Variants in CACNA1C observed in about 807,000 individuals in gnomAD.
The protein encoded by CACNA1C is calcium voltage-gated channel subunit alpha1 C.
In CACNA1C, 30 loss-of-function variants were observed where a neutral mutation model predicts 229.0. The ratio of observed to expected loss-of-function variants is 0.13; its 90% CI spans 0.10 to 0.18. The LOEUF (loss-of-function observed/expected upper bound fraction) is 0.18, where lower values mean the gene tolerates loss of function less well. Ranked by LOEUF, CACNA1C falls within the 10% of genes least tolerant of loss-of-function variation. CACNA1C has a pLI of 1.00. For missense variants in CACNA1C, 1,658 were observed against 2,845.0 expected (o/e 0.58, Z 9.49); for synonymous variants, 1,114 against 1,132.5 (o/e 0.98, Z 0.33).
Position 2,275,886 on chromosome 12 carries a change from C to T in CACNA1C, c.477+155456C>T, listed in dbSNP as rs994628475. On this transcript the variant is annotated intron_variant, in intron 3 of 46. Transcript: ENST00000399655. This position sits in a 1 kb window ranked among gnomAD's most constrained non-coding sequence, Gnocchi z 4.1. The stretch of plus-strand genomic sequence containing the variant: ...CAAAAAACATGGGTTTTGAGCCAGA[C>T]GGAAAGTCATCAAGCCCAGTTACAG... Among the ~76,000 whole-genome samples, 6 of 152,012 alleles carry T rather than the reference C, an allele frequency of 3.9e-5. No individual in the cohort carries two copies. Among genetic ancestry groups the T allele is most frequent in the Non-Finnish European group, 7.4e-5 (5 of 68,010 alleles).
rs546837648 is a variant in CACNA1C, at chr12:2,631,864, A to G, written c.3829-2433A>G. 3.9e-5 allele frequency among the ~76,000 whole-genome samples: 6 copies of G among 152,340 alleles called. No homozygotes were observed. The East Asian group carries it at 9.6e-4, about 24-fold the overall frequency. ...TGTGACCTGACCTCCCACGCTAAGA[A>G]TAACAGCCCCAGGACAGCATGTCTT... On this transcript the variant is annotated intron_variant, in intron 29 of 46. Coordinates refer to ENST00000399655, the MANE Select transcript of CACNA1C (RefSeq NM_000719.7).
chr12:2,440,852 G>A (rs375817768), intron 3 of CACNA1C, among the ~76,000 whole-genome samples: 4 of 152,150 alleles, frequency 2.6e-5, no homozygotes, highest in East Asian at 1.9e-4. Context: ...TCATCGATGC[G>A]CTGAGAGGGC....
At chr12:2,076,643 TG>T (rs1385628127) in intron 1 of CACNA1C, among the ~76,000 whole-genome samples, 1 of 152,246 alleles carries the variant, frequency 6.6e-6, no homozygotes, top group African/African-American at 2.4e-5. Flanking sequence ...TCTAGTACCC[TG>T]TATTTTTCAG....
intron 3 of CACNA1C, among the ~76,000 whole-genome samples, chr12:2,371,010 T>A (rs1053260773): frequency 6.6e-6 from 1 of 152,200 alleles, no homozygotes; most frequent in African/African-American, 2.4e-5. Context: ...ATCTGGAAAC[T>A]GTTACATAAG....
chr12:2,061,605 G>A (rs143971677), intron 1 of CACNA1C, among the ~76,000 whole-genome samples: 391 of 152,232 alleles, frequency 2.6e-3, no homozygotes, highest in African/African-American at 9.1e-3. Context: ...GGTATCCGAC[G>A]CCTGGCAGCT....
chr12:2,400,756 C>A (rs2154550929), intron 3 of CACNA1C, among the ~76,000 whole-genome samples: 1 of 152,300 alleles, frequency 6.6e-6, no homozygotes, highest in East Asian at 1.9e-4. Context: ...CTGCTCACCA[C>A]TGAGTGCACG....
At chr12:2,559,479 G>C (rs1450836388) in intron 11 of CACNA1C, among the ~76,000 whole-genome samples, 1 of 152,238 alleles carries the variant, frequency 6.6e-6, no homozygotes, top group Admixed American at 6.5e-5. Context: ...CTGAGGCTTT[G>C]CTATGTGCTG....
At chr12:2,435,833 G>C (rs1046336328) in intron 3 of CACNA1C, among the ~76,000 whole-genome samples, 1 of 152,188 alleles carries the variant, frequency 6.6e-6, no homozygotes, top group African/African-American at 2.4e-5. Flanking sequence ...GCAGGAGCGA[G>C]GTCTTGCACG....
At chr12:2,106,570 CCT>C (rs1329043608) in intron 1 of CACNA1C, among the ~76,000 whole-genome samples, 3 of 120,738 alleles carry the variant, frequency 2.5e-5, no homozygotes, top group East Asian at 2.7e-4. Context: ...AGCTGGGCAT[CCT>C]GAAGCCACTG....
rs7977166 is a variant in CACNA1C, at chr12:2,100,583, A to G, written c.50-14641A>G. Among the ~76,000 whole-genome samples, 664 of 107,948 alleles carry G rather than the reference A, an allele frequency of 6.2e-3. 6 individuals carry two copies. The highest frequency in any genetic ancestry group is 0.028 in the African/African-American group (628 of 22,768). 70.8% of individuals were successfully genotyped at this position (107,948 alleles called of 152,430 possible). A position where few individuals can be genotyped will look rare whatever the true frequency, so the allele number is the denominator to read the frequency against. On this transcript the variant is annotated intron_variant, in intron 1 of 46. Transcript: ENST00000399655. Reference sequence around the variant, plus strand: ...TGGGCAACATAGCCCTGTTTCTACCAAAAAAAAAAAAAAAAAAAAAAAAAT... The same window carrying G: ...TGGGCAACATAGCCCTGTTTCTACCGAAAAAAAAAAAAAAAAAAAAAAAAT...
At chr12:2,041,116 T>C (rs1366584566) in intron 1 of CACNA1C, among the ~76,000 whole-genome samples, 1 of 152,110 alleles carries the variant, frequency 6.6e-6, no homozygotes, top group African/African-American at 2.4e-5. Flanking sequence ...AGGGTAGAAA[T>C]AGGCAGTGAA....
chr12:1,989,069 A>G (rs1416061813), intron 1 of CACNA1C, among the ~76,000 whole-genome samples: 1 of 152,188 alleles, frequency 6.6e-6, no homozygotes, highest in Middle Eastern at 3.2e-3. Flanking sequence ...TCCTATATTC[A>G]ACTTGTTGGC....
rs1469221681 is a variant in CACNA1C, at chr12:2,694,632, G to A, written c.*3433G>A. The A allele has an allele frequency of 6.6e-6, 1 of 152,206 alleles. No individual in the cohort carries two copies. Among genetic ancestry groups the A allele is most frequent in the Non-Finnish European group, 1.5e-5 (1 of 68,050 alleles). The allele number at this position is 152,206 out of a possible 1,614,324, so 9.4% of individuals were successfully genotyped here. On this transcript the variant is annotated 3_prime_UTR_variant, in exon 47 of 47. Transcript: ENST00000399655. ...TTCTATTTCCCAGTTCCAAATTCCAGGTGCTTGTCTGGAGTGAAGCTACCC... is the reference window on the plus strand; with the variant it reads ...TTCTATTTCCCAGTTCCAAATTCCAAGTGCTTGTCTGGAGTGAAGCTACCC...
chr12:2,139,793 C>G lies in CACNA1C; in HGVS notation c.477+19363C>G, dbSNP rs2093958704. 1.3e-5 allele frequency among the ~76,000 whole-genome samples: 2 copies of G among 151,302 alleles called. 1 individual carries two copies. The highest frequency in any genetic ancestry group is 3.0e-5 in the Non-Finnish European group (2 of 67,620). ...TGCCCGCTGGCCTCAGACATGCGCC[C>G]TAAAGATGGGAGCATGCAGTGTGAA... On this transcript the variant is annotated intron_variant, in intron 3 of 46. Coordinates refer to ENST00000399655, the MANE Select transcript of CACNA1C (RefSeq NM_000719.7).
rs1445959535 is a variant in CACNA1C, at chr12:2,504,201, C to T, written c.1114-641C>T. 6.6e-6 allele frequency among the ~76,000 whole-genome samples: 1 copy of T among 152,214 alleles called. No homozygotes were observed. Among genetic ancestry groups the T allele is most frequent in the African/African-American group, 2.4e-5 (1 of 41,444 alleles). On this transcript the variant is annotated intron_variant, in intron 7 of 46. Transcript: ENST00000399655. The surrounding 1 kb of genome is among the most constrained non-coding windows in gnomAD (Gnocchi z 6.8). ...AATGTTTCTTTTTCAGAAAATAAAA[C>T]CACAGAGAGACAGAGTGATTCCTCT...
chr12:2,328,709 C>T (rs7316184), intron 3 of CACNA1C, among the ~76,000 whole-genome samples: 18,079 of 152,206 alleles, frequency 0.12, 2,870 homozygotes, highest in African/African-American at 0.36. Flanking sequence ...GCCATTTATT[C>T]GCCATCTTGG....
chr12:2,476,672 A>G (rs1202231509), intron 5 of CACNA1C, among the ~76,000 whole-genome samples: 1 of 152,204 alleles, frequency 6.6e-6, no homozygotes, highest in Non-Finnish European at 1.5e-5. Context: ...AATTAATTCA[A>G]CTTGAAGGCT....
At chr12:2,388,358 G>A (rs1257192671) in intron 3 of CACNA1C, among the ~76,000 whole-genome samples, 1 of 152,228 alleles carries the variant, frequency 6.6e-6, no homozygotes, top group Non-Finnish European at 1.5e-5. Flanking sequence ...TGATGGATTA[G>A]TTGATCACCT....
intron 9 of CACNA1C, among the ~76,000 whole-genome samples, chr12:2,540,796 G>A (rs980938432): frequency 5.3e-5 from 8 of 152,226 alleles, no homozygotes; most frequent in Non-Finnish European, 1.2e-4. Flanking sequence ...TGTGGTTGGA[G>A]TTTCTGCAGG....
Sources: gnomAD v4.1 joint callset for allele counts (sites outside exome capture counted in the v4.1 genomes callset) on GRCh38, gnomAD v4.1.1 for gene constraint, Gnocchi (gnomAD v3.1) non-coding constraint, MANE v1.5 for transcripts, NCBI Gene and HGNC (gene_info 2026-07-23, HGNC 2026-07-21) for gene names.